Variants in FLVCR2 observed in about 807,000 individuals in gnomAD.
The protein encoded by FLVCR2 is FLVCR choline and putative heme transporter 2.
Under a neutral mutation model 48.9 loss-of-function variants are expected in FLVCR2, and 38 were observed. The observed-to-expected ratio is 0.78, with a 90% confidence interval of 0.60 to 1.02. FLVCR2 has a LOEUF of 1.02. FLVCR2 is among the 50% of genes least tolerant of loss of function. The pLI is 0.00. For synonymous variants in FLVCR2, 255 were observed against 257.0 expected, an observed-to-expected ratio of 0.99 and a Z score of 0.07; for missense variants, 664 against 663.3, an observed-to-expected ratio of 1.00 and a Z score of -0.01.
intron 1 of FLVCR2, among the ~76,000 whole-genome samples, chr14:75,612,184 C>T (rs1400854056): frequency 6.9e-6 from 1 of 144,530 alleles, no homozygotes; most frequent in Non-Finnish European, 1.6e-5. Context: ...GTGCTTTGAG[C>T]ACAGTGTATC....
intron 4 of FLVCR2, among the ~76,000 whole-genome samples, chr14:75,634,703 A>G (rs533544830): frequency 6.6e-6 from 1 of 152,316 alleles, no homozygotes; most frequent in Admixed American, 6.5e-5. Flanking sequence ...AGCATCCAAT[A>G]TCATGCACAC....
chr14:75,582,382 A>C (rs1400610951), intron 1 of FLVCR2, among the ~76,000 whole-genome samples: 3 of 152,158 alleles, frequency 2.0e-5, no homozygotes, highest in Admixed American at 2.0e-4. Context: ...TAAGGCAATG[A>C]GTTTGGCTTG....
intron 9 of FLVCR2, among the ~76,000 whole-genome samples, chr14:75,643,010 C>T (rs1028462322): frequency 5.9e-5 from 9 of 152,114 alleles, no homozygotes; most frequent in South Asian, 4.1e-4. Flanking sequence ...TGCAGGTGCA[C>T]GCCACTATGC....
intron 1 of FLVCR2, among the ~76,000 whole-genome samples, chr14:75,605,166 A>G (rs909687026): frequency 1.3e-5 from 2 of 152,190 alleles, no homozygotes. Flanking sequence ...ACTCCCCCCA[A>G]GCCTCAACAT....
At chr14:75,602,159 C>A (rs765431030) in intron 1 of FLVCR2, among the ~76,000 whole-genome samples, 1 of 152,246 alleles carries the variant, frequency 6.6e-6, no homozygotes, top group Non-Finnish European at 1.5e-5. Flanking sequence ...TGGATGTGCT[C>A]ACCAACCAGA....
intron 1 of FLVCR2, among the ~76,000 whole-genome samples, chr14:75,592,382 C>T (rs1161002497): frequency 1.3e-5 from 2 of 152,104 alleles, no homozygotes; most frequent in African/African-American, 4.8e-5. Context: ...TTCTGTCCTC[C>T]TAGGCCTCTG....
chr14:75,605,945 G>A (rs867514586), intron 1 of FLVCR2: 32 of 375,170 alleles, frequency 8.5e-5, no homozygotes, highest in Admixed American at 4.9e-4. Flanking sequence ...AGAGGTAGCT[G>A]TCTGTATGCA....
chr14:75,605,539 C>T (rs1332376970), intron 1 of FLVCR2: 3 of 1,535,784 alleles, frequency 2.0e-6, no homozygotes, highest in Non-Finnish European at 2.6e-6. Flanking sequence ...CCTCTCACCC[C>T]AACACAATTC....
At position 75,579,353 on chromosome 14, in the gene FLVCR2, C is replaced by T; in HGVS notation, c.381C>T (p.Ser127=). Residue 127 remains serine (S), a synonymous_variant, in exon 1 of 10, where the codon TCC becomes TCT. Transcript: ENST00000238667. ...GVSAFAIDWL[S]MCYMLTYIPL... is the part of the protein sequence containing the mutation. Reference sequence around the variant, plus strand: ...GTGCCTTTGCCATTGACTGGCTGTCCATGTGCTACATGCTGACTTACATCC... The same window carrying T: ...GTGCCTTTGCCATTGACTGGCTGTCTATGTGCTACATGCTGACTTACATCC... 6.2e-7 allele frequency: 1 copy of T among 1,614,252 alleles called. No individual in the cohort carries two copies. Among genetic ancestry groups the T allele is most frequent in the Non-Finnish European group, 8.5e-7 (1 of 1,180,058 alleles).
chr14:75,602,189 G>C (rs767239606), intron 1 of FLVCR2, among the ~76,000 whole-genome samples: 2 of 152,190 alleles, frequency 1.3e-5, no homozygotes, highest in Admixed American at 6.5e-5. Flanking sequence ...AAACTCAACT[G>C]TTCAAGAGAT....
At chr14:75,588,814 C>T (rs1216068641) in intron 1 of FLVCR2, among the ~76,000 whole-genome samples, 1 of 152,174 alleles carries the variant, frequency 6.6e-6, no homozygotes, top group Non-Finnish European at 1.5e-5. Context: ...ACATTCAAAC[C>T]ATAGTATTCT....
intron 1 of FLVCR2, among the ~76,000 whole-genome samples, chr14:75,597,727 G>A (rs890417928): frequency 7.2e-5 from 11 of 151,942 alleles, no homozygotes; most frequent in African/African-American, 1.9e-4. Flanking sequence ...CCGCCACCAC[G>A]TCTGGCTAAT....
Position 75,641,871 on chromosome 14 carries a change from G to A in FLVCR2, c.1482G>A (p.Gln494=). ...TCATTAAGGCAGATCTCCGGAGACA[G>A]AAAGCAAACAAAGAAACTCTTGAGA... ...TAFIKADLRR[Q]KANKETLENK... is the part of the protein sequence containing the mutation. The change falls in exon 9 of 10, where the codon CAG becomes CAA. Residue 494 remains glutamine (Q), a synonymous_variant. Coordinates refer to ENST00000238667, the MANE Select transcript of FLVCR2 (RefSeq NM_017791.3). 6.2e-7 allele frequency: 1 copy of A among 1,614,192 alleles called. No individual in the cohort carries two copies. Among genetic ancestry groups the A allele is most frequent in the Non-Finnish European group, 8.5e-7 (1 of 1,180,010 alleles).
At chr14:75,635,197 G>C (rs1890137760) in intron 5 of FLVCR2, among the ~76,000 whole-genome samples, 184 bp downstream of exon 5, 1 of 152,146 alleles carries the variant, frequency 6.6e-6, no homozygotes, top group African/African-American at 2.4e-5. Flanking sequence ...CCCGTCTTAA[G>C]ATCCCCACAG....
At chr14:75,632,376 AGAC>A (rs1890067856) in intron 3 of FLVCR2, among the ~76,000 whole-genome samples, 1 of 145,974 alleles carries the variant, frequency 6.9e-6, no homozygotes. Context: ...ATGGACAGAG[AGAC>A]CTATTCATTC....
At chr14:75,628,122 AT>A (rs11307470) in intron 3 of FLVCR2, among the ~76,000 whole-genome samples, 7,485 of 149,760 alleles carry the variant, frequency 0.05, 241 homozygotes, top group Middle Eastern at 0.12. Flanking sequence ...AACAAAAACA[AT>A]TTTTTTTTTT....
chr14:75,612,368 T>C (rs1889481188), intron 1 of FLVCR2, among the ~76,000 whole-genome samples: 1 of 152,116 alleles, frequency 6.6e-6, no homozygotes, highest in Non-Finnish European at 1.5e-5. Context: ...GGACAAACCC[T>C]GTGACGGGGG....
intron 1 of FLVCR2, among the ~76,000 whole-genome samples, chr14:75,592,369 C>G (rs1421669604): frequency 3.3e-5 from 5 of 152,102 alleles, no homozygotes; most frequent in African/African-American, 1.2e-4. Flanking sequence ...TGGTATCCCA[C>G]CATTCTGTCC....
At position 75,579,522 on chromosome 14, in the gene FLVCR2, C is replaced by T; in HGVS notation, c.550C>T (p.Gln184Ter). The T allele has an allele frequency of 6.2e-7, 1 of 1,613,180 alleles. No homozygotes were observed. ...PHLFPVTVVG[Q>*]LICSVAQVFI... ...TCTCTTTCCGGTCACCGTGGTGGGCCAGCTCATCTGCTCTGTGGCCCAGGT... is the reference window on the plus strand; with the variant it reads ...TCTCTTTCCGGTCACCGTGGTGGGCTAGCTCATCTGCTCTGTGGCCCAGGT... The change falls in exon 1 of 10, where the codon CAG (glutamine) becomes TAG (stop). Residue 184 changes from glutamine (Q) to a stop codon, truncating the protein, a stop_gained. Coordinates refer to ENST00000238667, the MANE Select transcript of FLVCR2 (RefSeq NM_017791.3). LOFTEE classifies it high-confidence loss of function.
Sources: gnomAD v4.1 joint callset for allele counts (sites outside exome capture counted in the v4.1 genomes callset) on GRCh38, gnomAD v4.1.1 for gene constraint, MANE v1.5 for transcripts, NCBI Gene and HGNC (gene_info 2026-07-23, HGNC 2026-07-21) for gene names.